PEBP4: variants seen among roughly 807,000 people sequenced by gnomAD.
The protein encoded by PEBP4 is phosphatidylethanolamine binding protein 4, also known as phosphatidylethanolamine-binding protein 4.
Under a neutral mutation model 23.9 loss-of-function variants are expected in PEBP4, and 22 were observed. The ratio of observed to expected loss-of-function variants is 0.92; its 90% CI spans 0.66 to 1.31. The LOEUF is 1.31. PEBP4 is among the 40% of genes most tolerant of loss of function. The pLI, the probability that PEBP4 is intolerant of heterozygous loss-of-function variation, is 0.00. For synonymous variants in PEBP4, 112 were observed against 99.3 expected, an observed-to-expected ratio of 1.13 and a Z score of -0.76; for missense variants, 324 against 281.7, an observed-to-expected ratio of 1.15 and a Z score of -1.07.
chr8:22,747,027 G>A (rs1020859826), intron 4 of PEBP4, among the ~76,000 whole-genome samples: 2 of 152,052 alleles, frequency 1.3e-5, no homozygotes, highest in Admixed American at 1.3e-4. Flanking sequence ...AGAGACGGGG[G>A]TCTCAGCACA....
At chr8:22,847,911 G>A (rs1335459800) in intron 3 of PEBP4, among the ~76,000 whole-genome samples, 1 of 152,210 alleles carries the variant, frequency 6.6e-6, no homozygotes, top group Non-Finnish European at 1.5e-5. Context: ...GGTAATCGCT[G>A]AACTCTGTGA....
intron 4 of PEBP4, among the ~76,000 whole-genome samples, chr8:22,766,047 A>T (rs1805609168): frequency 6.6e-6 from 1 of 152,262 alleles, no homozygotes; most frequent in African/African-American, 2.4e-5. Context: ...CTTGCCTCAC[A>T]CCAGTAGACA....
At chr8:22,729,827 T>C (rs1363335087) in intron 4 of PEBP4, among the ~76,000 whole-genome samples, 1 of 152,164 alleles carries the variant, frequency 6.6e-6, no homozygotes, top group Non-Finnish European at 1.5e-5. Flanking sequence ...TCAGAAGCTG[T>C]GATTTACTCG....
intron 3 of PEBP4, among the ~76,000 whole-genome samples, chr8:22,892,175 T>C (rs746155335): frequency 4.6e-4 from 70 of 152,356 alleles, no homozygotes; most frequent in Non-Finnish European, 7.5e-4. Context: ...AGTCAGCCTA[T>C]TTAATGCTAA....
chr8:22,847,783 C>T (rs919409915), intron 3 of PEBP4, among the ~76,000 whole-genome samples: 1 of 152,216 alleles, frequency 6.6e-6, no homozygotes, highest in Non-Finnish European at 1.5e-5. Context: ...CTGAGTTCTA[C>T]GTGTCTCCTT....
chr8:22,910,047 G>A (rs114653551), intron 3 of PEBP4, among the ~76,000 whole-genome samples: 208 of 152,330 alleles, frequency 1.4e-3, no homozygotes, highest in African/African-American at 4.8e-3. Context: ...AGGCTCAAAC[G>A]AGGTACTGAG....
intron 4 of PEBP4, among the ~76,000 whole-genome samples, chr8:22,812,358 A>G (rs1014745861): frequency 2.0e-5 from 3 of 152,158 alleles, no homozygotes; most frequent in Non-Finnish European, 4.4e-5. Context: ...AACCTCCTCT[A>G]GTTCATCTGA....
chr8:22,873,291 T>G (rs1808048084), intron 3 of PEBP4, among the ~76,000 whole-genome samples: 1 of 152,174 alleles, frequency 6.6e-6, no homozygotes, highest in Admixed American at 6.5e-5. Context: ...GGAGACAACT[T>G]TATATTTTTC....
At chr8:22,743,846 G>A (rs1805052565) in intron 4 of PEBP4, among the ~76,000 whole-genome samples, 1 of 152,190 alleles carries the variant, frequency 6.6e-6, no homozygotes, top group African/African-American at 2.4e-5. Flanking sequence ...CAACACCTGA[G>A]CAGAACTAGA....
At chr8:22,936,215 A>G (rs574490084) in intron 1 of PEBP4, among the ~76,000 whole-genome samples, 16 of 151,750 alleles carry the variant, frequency 1.1e-4, no homozygotes, top group Non-Finnish European at 1.8e-4. Flanking sequence ...TTACTAAAAT[A>G]AGAAATGAAG....
At chr8:22,747,510 G>A (rs1805148560) in intron 4 of PEBP4, 1 of 152,004 alleles carries the variant, frequency 6.6e-6, no homozygotes, top group Non-Finnish European at 1.5e-5. Context: ...CTCAAGGTTT[G>A]TGTTTCTTTG....
intron 3 of PEBP4, among the ~76,000 whole-genome samples, chr8:22,856,459 G>A (rs1807651724): frequency 6.6e-6 from 1 of 152,224 alleles, no homozygotes; most frequent in Non-Finnish European, 1.5e-5. Flanking sequence ...GCTCACACCT[G>A]TAATCCCAGC....
At chr8:22,851,189 T>C (rs1807541642) in intron 3 of PEBP4, among the ~76,000 whole-genome samples, 1 of 152,144 alleles carries the variant, frequency 6.6e-6, no homozygotes, top group South Asian at 2.1e-4. Context: ...GCATGGTGCC[T>C]CTAGTAAGTT....
intron 3 of PEBP4, among the ~76,000 whole-genome samples, chr8:22,833,665 G>C (rs1272074139): frequency 6.6e-6 from 1 of 152,194 alleles, no homozygotes; most frequent in South Asian, 2.1e-4. Context: ...TTGTCCTTGA[G>C]TAGGAGACTG....
chr8:22,784,900 AG>A (rs573659257), intron 4 of PEBP4, among the ~76,000 whole-genome samples: 1 of 152,284 alleles, frequency 6.6e-6, no homozygotes, highest in South Asian at 2.1e-4. Context: ...AGCGAGCCGG[AG>A]GGGGGACCGT....
intron 4 of PEBP4, among the ~76,000 whole-genome samples, chr8:22,797,681 T>C (rs1310982189): frequency 6.6e-6 from 1 of 152,052 alleles, no homozygotes; most frequent in Non-Finnish European, 1.5e-5. Flanking sequence ...CCCCGTAGGG[T>C]CCATGTGATC....
In PEBP4 at chr8:22,743,429, G is replaced by A. The variant is rs116681071; in HGVS notation, c.358-16209C>T. ...ATAAAACAGGCTAATGACGGCCCTC[G>A]GCCCTCATTTTATGGACCCGTTTCA... On this transcript the variant is annotated intron_variant, in intron 4 of 6. Coordinates refer to ENST00000256404, the MANE Select transcript of PEBP4 (RefSeq NM_144962.3). 6.6e-3 allele frequency among the ~76,000 whole-genome samples: 1,004 copies of A among 152,260 alleles called. 13 individuals are homozygous for A. The highest frequency in any genetic ancestry group is 0.046 in the East Asian group (237 of 5,172).
intron 3 of PEBP4, among the ~76,000 whole-genome samples, chr8:22,869,302 G>T (rs941002782): frequency 1.3e-5 from 2 of 152,186 alleles, no homozygotes; most frequent in African/African-American, 4.8e-5. Context: ...TGGTATACTT[G>T]TGTATGTTTT....
At chr8:22,872,294 T>C (rs777439133) in intron 3 of PEBP4, among the ~76,000 whole-genome samples, 4 of 152,246 alleles carry the variant, frequency 2.6e-5, no homozygotes, top group Non-Finnish European at 5.9e-5. Context: ...GTCATGTGTG[T>C]ACTGCACAGT....
Sources: allele counts gnomAD v4.1 joint callset (sites outside exome capture counted in the v4.1 genomes callset), GRCh38; gene constraint gnomAD v4.1.1; transcripts MANE v1.5; gene names NCBI Gene and HGNC (gene_info 2026-07-23, HGNC 2026-07-21).